ZNF616: variants seen among roughly 807,000 people sequenced by gnomAD.
The protein encoded by ZNF616 is zinc finger protein 616.
A neutral mutation model predicts 7.6 loss-of-function variants in ZNF616; 5 were observed. That is an observed-to-expected ratio of 0.66 (90% CI 0.34 to 1.38). ZNF616 has a LOEUF of 1.38. ZNF616 is among the 40% of genes most tolerant of loss of function. ZNF616 has a pLI of 0.04. For missense variants in ZNF616, 913 were observed against 948.3 expected, an observed-to-expected ratio of 0.96 and a Z score of 0.49; for synonymous variants, 319 against 317.2, an observed-to-expected ratio of 1.01 and a Z score of -0.06.
chr19:52,135,809 G>C (rs1024575903), intron 1 of ZNF616, among the ~76,000 whole-genome samples: 2 of 152,168 alleles, frequency 1.3e-5, no homozygotes, highest in African/African-American at 4.8e-5. Context: ...TGTTCCTTAA[G>C]TCAGGAAGGG....
Position 52,116,888 on chromosome 19 carries a change from T to C in ZNF616, c.276A>G (p.Lys92=). ...ATTGAAATTCAAGGTCATGTAGATG[T>C]TTCTGTATTTCCCTGAAGTATAAAT... ...IENLYFREIQ[K]HLHDLEFQWK... The change falls in exon 4 of 4, where the codon AAA becomes AAG. Residue 92 remains lysine (K), a synonymous_variant. Coordinates refer to ENST00000600228, the MANE Select transcript of ZNF616 (RefSeq NM_178523.5). The C allele has an allele frequency of 3.7e-6, 6 of 1,614,026 alleles. No homozygotes were observed. The highest frequency in any genetic ancestry group is 5.1e-6 in the Non-Finnish European group (6 of 1,179,944).
rs906574686 is a variant in ZNF616, at chr19:52,114,763, C to T, written c.*55G>A. 4 of 1,514,106 alleles carry T rather than the reference C, an allele frequency of 2.6e-6. No individual in the cohort carries two copies. The African/African-American group carries it at 5.6e-5, about 21-fold the overall frequency. 93.8% of individuals were successfully genotyped at this position (1,514,106 alleles called of 1,614,324 possible). ...GATTTCAAGAGAAGGGGTAAATATA[C>T]AAGGTATATCAGTAAGTAGGAATTA... On this transcript the variant is annotated 3_prime_UTR_variant, in exon 4 of 4. Coordinates refer to ENST00000600228, the MANE Select transcript of ZNF616 (RefSeq NM_178523.5).
chr19:52,116,564 A>G lies in ZNF616; in HGVS notation c.600T>C (p.Leu200=). Residue 200 remains leucine (L), a synonymous_variant, in exon 4 of 4, where the codon CTT becomes CTC. Transcript: ENST00000600228. Reference sequence around the variant, plus strand: ...TAGTATGTATCCTCTGATGATTAATAAGGCTGGAAGACGCTTTAAAGGCTT... The same window carrying G: ...TAGTATGTATCCTCTGATGATTAATGAGGCTGGAAGACGCTTTAAAGGCTT... The part of the protein sequence containing the change: ...CGKAFKASSS[L]INHQRIHTTE... 6.2e-7 allele frequency: 1 copy of G among 1,614,096 alleles called. No homozygotes were observed. The highest frequency in any genetic ancestry group is 8.5e-7 in the Non-Finnish European group (1 of 1,179,994).
At chr19:52,125,406 A>C (rs921652068) in intron 2 of ZNF616, among the ~76,000 whole-genome samples, 3 of 152,246 alleles carry the variant, frequency 2.0e-5, no homozygotes, top group African/African-American at 7.2e-5. Context: ...ATGCAGAAAC[A>C]GGAAAGAAGA....
chr19:52,121,200 G>A (rs559069743), intron 3 of ZNF616, among the ~76,000 whole-genome samples: 129 of 152,248 alleles, frequency 8.5e-4, no homozygotes, highest in African/African-American at 2.7e-3. Context: ...GACTACAGGC[G>A]CACGCCACCA....
rs777378939 is a variant in ZNF616, at chr19:52,114,981, C to A, written c.2183G>T (p.Arg728Leu). 6.2e-7 allele frequency: 1 copy of A among 1,614,114 alleles called. No homozygotes were observed. The highest frequency in any genetic ancestry group is 8.5e-7 in the Non-Finnish European group (1 of 1,180,014). Reference protein sequence around the residue: ...KCIECGKAFGRLFSLSKHQRI... With the variant: ...KCIECGKAFGLLFSLSKHQRI... ...TTGGTGTTTGCTGAGGGAAAACAACCGCCCAAAGGCTTTGCCACATTCAAT... is the reference window on the plus strand; with the variant it reads ...TTGGTGTTTGCTGAGGGAAAACAACAGCCCAAAGGCTTTGCCACATTCAAT... Residue 728 changes from arginine (R) to leucine (L), a missense_variant, in exon 4 of 4, where the codon CGG (arginine) becomes CTG (leucine). Arg to Leu is a moderately radical substitution (Grantham distance 102). Coordinates refer to ENST00000600228, the MANE Select transcript of ZNF616 (RefSeq NM_178523.5).
In ZNF616 at chr19:52,116,299, T is replaced by G; in HGVS notation, c.865A>C (p.Arg289=). 3 of 1,614,172 alleles carry G rather than the reference T, an allele frequency of 1.9e-6. No homozygotes were observed. The highest frequency in any genetic ancestry group is 2.5e-6 in the Non-Finnish European group (3 of 1,180,022). Reference sequence around the variant, plus strand: ...TAAGGTTTTTCACCGGTATGAATTCTCTGATGAACTGCAAGGTGGGAACTT... The same window carrying G: ...TAAGGTTTTTCACCGGTATGAATTCGCTGATGAACTGCAAGGTGGGAACTT... ...SKSSHLAVHQ[R]IHTGEKPYKC... is the part of the protein sequence containing the mutation. Residue 289 remains arginine (R), a synonymous_variant, in exon 4 of 4, where the codon AGA becomes CGA. Transcript: ENST00000600228.
Position 52,116,250 on chromosome 19 carries a change from G to A in ZNF616, c.914C>T (p.Ser305Phe). The A allele has an allele frequency of 2.5e-6, 4 of 1,614,040 alleles. No individual in the cohort carries two copies. Among genetic ancestry groups the A allele is most frequent in the Non-Finnish European group, 2.5e-6 (3 of 1,180,014 alleles). ...KPYKCNLCGK[S>F]FSQRVHLRLH... ...TCTAAGATGGACACGCTGACTAAAG[G>A]ATTTCCCACACAGATTACATTTGTA... The change falls in exon 4 of 4, where the codon TCC becomes TTC. Residue 305 changes from serine to phenylalanine, a missense_variant. Transcript: ENST00000600228.
intron 1 of ZNF616, among the ~76,000 whole-genome samples, chr19:52,136,551 T>C (rs972768297): frequency 6.6e-6 from 1 of 151,714 alleles, no homozygotes; most frequent in Non-Finnish European, 1.5e-5. Context: ...TGTCACCTCA[T>C]ACCTCTTAGG....
chr19:52,118,110 T>C (rs1181506716), intron 3 of ZNF616, among the ~76,000 whole-genome samples: 1 of 152,230 alleles, frequency 6.6e-6, no homozygotes, highest in African/African-American at 2.4e-5. Context: ...GCCCACCTAA[T>C]TTTTTTGTAG....
At chr19:52,137,777 A>G (rs1416227278) in intron 1 of ZNF616, among the ~76,000 whole-genome samples, 2 of 152,200 alleles carry the variant, frequency 1.3e-5, no homozygotes, top group African/African-American at 4.8e-5. Context: ...ATGGGGTAAA[A>G]GTTAAAAAAA....
chr19:52,114,856 C>T lies in ZNF616; in HGVS notation c.2308G>A (p.Glu770Lys), dbSNP rs764411893. 21 of 1,605,020 alleles carry T rather than the reference C, an allele frequency of 1.3e-5. No homozygotes were observed. In the South Asian group the frequency reaches 1.7e-4, roughly 13 times the overall value. ...ACATTGAGTTTAGTTGTAAGGCTCT[C>T]TCCAGTATGTCTTATTCGATGTTTA... ...LTKHRIRHTGESLTTKLNVTR... is the reference protein window; with the variant it reads ...LTKHRIRHTGKSLTTKLNVTR... Residue 770 changes from glutamate (E) to lysine (K), a missense_variant, in exon 4 of 4, where the codon GAG (glutamate) becomes AAG (lysine). Glu to Lys is a moderately conservative substitution (Grantham distance 56). Coordinates refer to ENST00000600228, the MANE Select transcript of ZNF616 (RefSeq NM_178523.5).
chr19:52,132,058 C>G (rs568670256), intron 1 of ZNF616, among the ~76,000 whole-genome samples: 1 of 152,304 alleles, frequency 6.6e-6, no homozygotes, highest in Admixed American at 6.5e-5. Flanking sequence ...AAACATTTTT[C>G]TCCCACAGCT....
chr19:52,114,662 TGA>T lies in ZNF616; in HGVS notation c.*154_*155del, dbSNP rs2088798557. On this transcript the variant is annotated 3_prime_UTR_variant, in exon 4 of 4. Coordinates refer to ENST00000600228, the MANE Select transcript of ZNF616 (RefSeq NM_178523.5). ...GGATGACGCTACATCTTTCTCAGTTTGAGAAATCCACTTCCATGATTCAATCA... is the reference window on the plus strand; with the variant it reads ...GGATGACGCTACATCTTTCTCAGTTTGAAATCCACTTCCATGATTCAATCA... 2.3e-6 allele frequency: 2 copies of T among 864,726 alleles called. No individual in the cohort carries two copies. The highest frequency in any genetic ancestry group is 3.8e-5 in the South Asian group (2 of 52,520). The allele number at this position is 864,726 out of a possible 1,614,324, so 53.6% of individuals were successfully genotyped here. A position where few individuals can be genotyped will look rare whatever the true frequency, so the allele number is the denominator to read the frequency against.
In ZNF616 at chr19:52,115,952, A is replaced by G. The variant is rs775773375; in HGVS notation, c.1212T>C (p.Thr404=). 1.9e-6 allele frequency: 3 copies of G among 1,614,182 alleles called. No individual in the cohort carries two copies. The highest frequency in any genetic ancestry group is 2.5e-6 in the Non-Finnish European group (3 of 1,180,040). Residue 404 remains threonine (T), a synonymous_variant, in exon 4 of 4, where the codon ACT becomes ACC. Coordinates refer to ENST00000600228, the MANE Select transcript of ZNF616 (RefSeq NM_178523.5). ...CATTGCATTTGCAAGGTTTCTCTAC[A>G]GTGTGAATTCGTCGATGCACTGCAA... ...SSLAVHRRIH[T]VEKPCKCNEC...
chr19:52,138,500 C>T (rs1300826979), intron 1 of ZNF616: 1 of 152,334 alleles, frequency 6.6e-6, no homozygotes, highest in African/African-American at 2.4e-5. Context: ...ACTCTCTTCA[C>T]TACTATGTGT....
At chr19:52,129,760 C>T (rs12462908) in intron 2 of ZNF616, among the ~76,000 whole-genome samples, 8,931 of 151,774 alleles carry the variant, frequency 0.059, 534 homozygotes, top group South Asian at 0.27. Context: ...GCAGAAAGAT[C>T]TCCCCTTACA....
intron 1 of ZNF616, among the ~76,000 whole-genome samples, chr19:52,137,893 C>T (rs903310632): frequency 9.9e-5 from 15 of 152,146 alleles, no homozygotes; most frequent in African/African-American, 2.9e-4. Context: ...AAATTTAAAT[C>T]AAGCTTCCAA....
At position 52,113,209 on chromosome 19, in the gene ZNF616, T is replaced by G. The variant is rs1474811415; in HGVS notation, c.*1609A>C. 1 of 152,238 alleles carries G rather than the reference T, an allele frequency of 6.6e-6. No homozygotes were observed. The highest frequency in any genetic ancestry group is 1.5e-5 in the Non-Finnish European group (1 of 68,050). The allele number at this position is 152,238 out of a possible 1,614,324, so 9.4% of individuals were successfully genotyped here. On this transcript the variant is annotated 3_prime_UTR_variant, in exon 4 of 4. Coordinates refer to ENST00000600228, the MANE Select transcript of ZNF616 (RefSeq NM_178523.5). Reference sequence around the variant, plus strand: ...TCTGGTAGTTATTCTGTAATAATATTCCAGGCCAATCTTGGAGAAGCAGAT... The same window carrying G: ...TCTGGTAGTTATTCTGTAATAATATGCCAGGCCAATCTTGGAGAAGCAGAT...
Sources: gnomAD v4.1 joint callset for allele counts (sites outside exome capture counted in the v4.1 genomes callset) on GRCh38, gnomAD v4.1.1 for gene constraint, MANE v1.5 for transcripts, NCBI Gene and HGNC (gene_info 2026-07-23, HGNC 2026-07-21) for gene names.